The following COMMD6 variants were observed in gnomAD, a reference collection of about 807,000 sequenced individuals.
COMMD6 encodes COMM domain-containing protein 6.
COMMD6 carries 11 observed loss-of-function variants against 13.4 expected under a neutral mutation model. The ratio of observed to expected loss-of-function variants is 0.82; its 90% CI spans 0.52 to 1.36. The LOEUF is 1.36. COMMD6 is among the 40% of genes most tolerant of loss of function. COMMD6 has a pLI of 0.00. For missense variants in COMMD6, 124 were observed against 102.4 expected, an observed-to-expected ratio of 1.21 and a Z score of -0.91; for synonymous variants, 43 against 36.5, an observed-to-expected ratio of 1.18 and a Z score of -0.64.
chr13:75,530,159 G>T lies in COMMD6; in HGVS notation c.162C>A (p.Gly54=). 6.2e-7 allele frequency: 1 copy of T among 1,613,618 alleles called. No individual in the cohort carries two copies. Among genetic ancestry groups the T allele is most frequent in the Non-Finnish European group, 8.5e-7 (1 of 1,179,656 alleles). ...AVMLKVADHS[G]QVKTKCFEMT... The stretch of plus-strand genomic sequence containing the variant: ...TTTCAAAGCACTTGGTCTTTACTTG[G>T]CCTGAATGATCTGCCACTTTTAGCA... Residue 54 remains glycine, a synonymous_variant, in exon 3 of 4, where the codon GGC becomes GGA. Transcript: ENST00000682242.
upstream of COMMD6, among the ~76,000 whole-genome samples, chr13:75,540,128 G>A (rs1209974538): frequency 6.6e-6 from 1 of 151,950 alleles, no homozygotes; most frequent in Non-Finnish European, 1.5e-5. Flanking sequence ...ATGCCACCAT[G>A]CCCAGCTATT....
At chr13:75,542,290 C>CT (rs59815923), upstream of COMMD6, among the ~76,000 whole-genome samples, 75,146 of 137,888 alleles carry the variant, frequency 0.54, 20,707 homozygotes, top group East Asian at 0.66. Flanking sequence ...TCTTTCTTTC[C>CT]TTTTTTTTTT....
chr13:75,537,898 T>A, upstream of COMMD6: 1 of 1,340,920 alleles, frequency 7.5e-7, no homozygotes, highest in Non-Finnish European at 1.0e-6. Context: ...GCCTGGCGCA[T>A]GGGGCGGACG....
At chr13:75,537,528 G>A in intron 2 of COMMD6, 136 bp downstream of exon 2, 2 of 1,581,712 alleles carry the variant, frequency 1.3e-6, no homozygotes, top group South Asian at 2.3e-5. Flanking sequence ...AAGGAGCAAT[G>A]CAAGAGGGAC....
At chr13:75,540,344 C>CCCCA (rs372640334), upstream of COMMD6, among the ~76,000 whole-genome samples, 2 of 147,276 alleles carry the variant, frequency 1.4e-5, no homozygotes, top group Non-Finnish European at 1.5e-5. Context: ...ACACACACAC[C>CCCCA]CACACACACA....
chr13:75,537,329 C>A, intron 2 of COMMD6: 1 of 1,548,908 alleles, frequency 6.5e-7, no homozygotes, highest in South Asian at 1.2e-5. Flanking sequence ...AAAATGTTTG[C>A]GGTGCTATCT....
At chr13:75,535,799 TG>T (rs2030643621) in intron 2 of COMMD6, among the ~76,000 whole-genome samples, 1 of 152,238 alleles carries the variant, frequency 6.6e-6, no homozygotes, top group East Asian at 1.9e-4. Flanking sequence ...CCTCATGCGC[TG>T]GATCACAAAG....
chr13:75,536,330 A>G (rs2030662131), intron 2 of COMMD6, among the ~76,000 whole-genome samples: 1 of 152,250 alleles, frequency 6.6e-6, no homozygotes, highest in African/African-American at 2.4e-5. Context: ...TATGCAAACA[A>G]TCATATAATC....
upstream of COMMD6, chr13:75,537,849 C>T (rs1016472801): frequency 6.5e-7 from 1 of 1,549,028 alleles, no homozygotes; most frequent in African/African-American, 1.4e-5. Flanking sequence ...GAGAACGCCC[C>T]CAGACCAGCG....
At chr13:75,527,207 C>T (rs2138408453) in intron 3 of COMMD6, among the ~76,000 whole-genome samples, 1 of 152,304 alleles carries the variant, frequency 6.6e-6, no homozygotes, top group South Asian at 2.1e-4. Context: ...TCTGTCTTCT[C>T]CTGTACCTAC....
Position 75,525,497 on chromosome 13 carries a change from GT to G in COMMD6, c.*1091del, listed in dbSNP as rs1487653521. 6.6e-6 allele frequency: 1 copy of G among 152,218 alleles called. No individual in the cohort carries two copies. The highest frequency in any genetic ancestry group is 6.5e-5 in the Admixed American group (1 of 15,280). 9.4% of individuals were successfully genotyped at this position (152,218 alleles called of 1,614,324 possible). On this transcript the variant is annotated 3_prime_UTR_variant, in exon 4 of 4. Transcript: ENST00000682242. ...GGGAGGGAGAGAGAAGGGATCTTTGGTTTCTCCTAATTCTAGAATCATTAAT... is the reference window on the plus strand; with the variant it reads ...GGGAGGGAGAGAGAAGGGATCTTTGGTTCTCCTAATTCTAGAATCATTAAT...
chr13:75,546,814 C>A, intron 1 of COMMD6, among the ~76,000 whole-genome samples: 1 of 152,156 alleles, frequency 6.6e-6, no homozygotes, highest in Non-Finnish European at 1.5e-5. Flanking sequence ...TGCATACTCA[C>A]AAGAAGGGGA....
In COMMD6 at chr13:75,537,821, C is replaced by T; in HGVS notation, c.-16G>A. The T allele has an allele frequency of 5.7e-6, 9 of 1,590,518 alleles. No homozygotes were observed. The highest frequency in any genetic ancestry group is 7.7e-6 in the Non-Finnish European group (9 of 1,166,004). On this transcript the variant is annotated 5_prime_UTR_variant, in exon 1 of 4. Coordinates refer to ENST00000682242, the MANE Select transcript of COMMD6 (RefSeq NM_203495.4). ...ACGCCTCCATGGGCAGCGTCTGGGA[C>T]TTGCGGCCCGGACTCGAGAGAACGC...
Position 75,526,705 on chromosome 13 carries a change from T to G in COMMD6, c.208-66A>C, listed in dbSNP as rs995545795. ...GAAGATATTTAAGTAGTTATTTTAATTATATCTGACTACCGGAGACTATAT... is the reference window on the plus strand; with the variant it reads ...GAAGATATTTAAGTAGTTATTTTAAGTATATCTGACTACCGGAGACTATAT... On this transcript the variant is annotated intron_variant, in intron 3 of 3. Transcript: ENST00000682242. 5.4e-6 allele frequency: 6 copies of G among 1,101,690 alleles called. No homozygotes were observed. The African/African-American group carries it at 9.3e-5, about 17-fold the overall frequency. The allele number at this position is 1,101,690 out of a possible 1,614,324, so 68.2% of individuals were successfully genotyped here. A position where few individuals can be genotyped will look rare whatever the true frequency, so the allele number is the denominator to read the frequency against.
At chr13:75,545,021 G>A (rs973625787) in intron 1 of COMMD6, among the ~76,000 whole-genome samples, 6 of 151,950 alleles carry the variant, frequency 3.9e-5, no homozygotes, top group African/African-American at 1.2e-4. Flanking sequence ...GATCAAGTGT[G>A]GAGAATGAGT....
chr13:75,530,481 A>C (rs1484928309), intron 2 of COMMD6: 3 of 346,498 alleles, frequency 8.7e-6, no homozygotes, highest in African/African-American at 6.3e-5. Context: ...ACACCATCAT[A>C]GTTTAAAATG....
chr13:75,537,759 CT>C lies in COMMD6; in HGVS notation c.42+4del. The C allele has an allele frequency of 6.2e-7, 1 of 1,613,760 alleles. No homozygotes were observed. The highest frequency in any genetic ancestry group is 8.5e-7 in the Non-Finnish European group (1 of 1,179,826). On this transcript the variant is annotated splice_donor_region_variant and intron_variant, in intron 1 of 3. Coordinates refer to ENST00000682242, the MANE Select transcript of COMMD6 (RefSeq NM_203495.4). ...TGCCCACTCTCCTTCCAGGTTGGAA[CT>C]CACATCGGACTTAGCATCCAGCGGC...
At chr13:75,534,817 A>G (rs1267534384) in intron 2 of COMMD6, among the ~76,000 whole-genome samples, 3 of 152,220 alleles carry the variant, frequency 2.0e-5, no homozygotes, top group African/African-American at 7.2e-5. Context: ...TAATATAAAA[A>G]CATGACTATA....
At chr13:75,530,553 G>C (rs2030438221) in intron 2 of COMMD6, 1 of 222,790 alleles carries the variant, frequency 4.5e-6, no homozygotes, top group Non-Finnish European at 8.7e-6. Flanking sequence ...GTGGAAGGAA[G>C]ATGTGGCAGT....
Sources: gnomAD v4.1 joint callset for allele counts (sites outside exome capture counted in the v4.1 genomes callset) on GRCh38, gnomAD v4.1.1 for gene constraint, MANE v1.5 for transcripts, NCBI Gene and HGNC (gene_info 2026-07-23, HGNC 2026-07-21) for gene names.